The following FMN2 variants were observed in gnomAD, a reference collection of about 807,000 sequenced individuals.
FMN2 encodes the protein formin-2.
FMN2 carries 51 observed loss-of-function variants against 142.3 expected under a neutral mutation model. The ratio of observed to expected loss-of-function variants is 0.36; its 90% confidence interval spans 0.29 to 0.45. FMN2 has a LOEUF of 0.45. FMN2 is among the 20% of genes least tolerant of loss of function. The probability of loss-of-function intolerance (pLI) is 1.00; values close to 1 mark genes in which losing one functional copy is unlikely to be tolerated. For missense variants in FMN2, 1,936 were observed against 2,122.8 expected, an observed-to-expected ratio of 0.91 and a Z score of 1.73; for synonymous variants, 882 against 869.8, an observed-to-expected ratio of 1.01 and a Z score of -0.25.
chr1:240,412,936 C>T (rs980386954), intron 15 of FMN2, among the ~76,000 whole-genome samples: 7 of 151,560 alleles, frequency 4.6e-5, no homozygotes, highest in East Asian at 2.0e-4. Context: ...TCCTGGCTAA[C>T]ACGGTGAAAC....
At position 240,437,064 on chromosome 1, in the gene FMN2, CTT is replaced by C. The variant is rs759252590; in HGVS notation, c.4911-994_4911-993del. On this transcript the variant is annotated intron_variant, in intron 15 of 17. Transcript: ENST00000319653. The stretch of plus-strand genomic sequence containing the variant: ...GGGCATCACTCATGGGACTGGAAGA[CTT>C]TTGTGAAGTCAGAAACCTACCATTT... Among the ~76,000 whole-genome samples the C allele has an allele frequency of 8.5e-4, 130 of 152,288 alleles. 1 individual carries two copies. Among genetic ancestry groups the C allele is most frequent in the Non-Finnish European group, 4.6e-4 (31 of 68,040 alleles).
At chr1:240,364,616 T>C (rs1672600422) in intron 14 of FMN2, among the ~76,000 whole-genome samples, 1 of 152,144 alleles carries the variant, frequency 6.6e-6, no homozygotes, top group Non-Finnish European at 1.5e-5. Context: ...AATCATTCAT[T>C]CCACAACCGT....
At chr1:240,363,807 C>T (rs1672570911) in intron 14 of FMN2, among the ~76,000 whole-genome samples, 1 of 152,098 alleles carries the variant, frequency 6.6e-6, no homozygotes, top group African/African-American at 2.4e-5. Context: ...TGTCCCCAAC[C>T]CCTTTGTCCC....
At chr1:240,226,176 T>C (rs1005768203) in intron 6 of FMN2, among the ~76,000 whole-genome samples, 44 of 152,234 alleles carry the variant, frequency 2.9e-4, no homozygotes, top group African/African-American at 1.1e-3. Flanking sequence ...AAAACATTAA[T>C]ACACACATCC....
chr1:240,297,575 A>G (rs1670031672), intron 8 of FMN2, among the ~76,000 whole-genome samples: 1 of 141,338 alleles, frequency 7.1e-6, no homozygotes, highest in Admixed American at 7.3e-5. Context: ...CAGCCTGGTG[A>G]CAGAGTGAGA....
chr1:240,415,980 G>A (rs979939198), intron 15 of FMN2, among the ~76,000 whole-genome samples: 2 of 151,948 alleles, frequency 1.3e-5, no homozygotes, highest in African/African-American at 4.8e-5. Flanking sequence ...TTGCTTTTCT[G>A]TCTCAATTTT....
At position 240,113,510 on chromosome 1, in the gene FMN2, A is replaced by G. The variant is rs981200061; in HGVS notation, c.1616-9669A>G. On this transcript the variant is annotated intron_variant, in intron 1 of 17. Coordinates refer to ENST00000319653, the MANE Select transcript of FMN2 (RefSeq NM_020066.5). ...GAGGCAGAGGTCGCAGTGAGCCGAG[A>G]TCACGACACTGCACTCCAGCCTGGG... 4.2e-5 allele frequency among the ~76,000 whole-genome samples: 6 copies of G among 143,870 alleles called. No homozygotes were observed. In the Admixed American group the frequency reaches 4.5e-4, roughly 11 times the overall value. The allele number at this position is 143,870 out of a possible 152,430, so 94.4% of individuals were successfully genotyped here.
intron 15 of FMN2, among the ~76,000 whole-genome samples, chr1:240,406,580 CA>C (rs1674208748): frequency 6.6e-6 from 1 of 152,104 alleles, no homozygotes; most frequent in Non-Finnish European, 1.5e-5. Flanking sequence ...AAAATGAGGG[CA>C]ATGGAACGGT....
intron 7 of FMN2, among the ~76,000 whole-genome samples, chr1:240,284,217 G>A (rs1449458677): frequency 1.3e-5 from 2 of 152,096 alleles, no homozygotes; most frequent in Non-Finnish European, 2.9e-5. Flanking sequence ...AATGTATTTA[G>A]CACTTTGGCC....
rs76028863 is a variant in FMN2, at chr1:240,422,870, G to A, written c.4911-15191G>A. On this transcript the variant is annotated intron_variant, in intron 15 of 17. Coordinates refer to ENST00000319653, the MANE Select transcript of FMN2 (RefSeq NM_020066.5). ...GTCTCAGCTTACATTGTCCCTCAAGGCCAGTCAGTACCTGAAAATGTGTCA... is the reference window on the plus strand; with the variant it reads ...GTCTCAGCTTACATTGTCCCTCAAGACCAGTCAGTACCTGAAAATGTGTCA... Among the ~76,000 whole-genome samples the A allele has an allele frequency of 4.0e-3, 604 of 152,160 alleles. 2 individuals are homozygous for A. The highest frequency in any genetic ancestry group is 0.014 in the African/African-American group (580 of 41,524).
intron 15 of FMN2, among the ~76,000 whole-genome samples, chr1:240,407,712 A>G (rs1301686242): frequency 1.3e-5 from 2 of 152,034 alleles, no homozygotes; most frequent in African/African-American, 2.4e-5. Context: ...TCAAACAGCA[A>G]TTTATTTCAA....
intron 7 of FMN2, among the ~76,000 whole-genome samples, chr1:240,292,541 A>G (rs1669831630): frequency 6.6e-6 from 1 of 152,148 alleles, no homozygotes; most frequent in Admixed American, 6.5e-5. Flanking sequence ...TATAGGAAAC[A>G]CCTCACATTT....
intron 14 of FMN2, among the ~76,000 whole-genome samples, chr1:240,385,095 T>A (rs996512293): frequency 2.0e-5 from 3 of 152,208 alleles, no homozygotes; most frequent in African/African-American, 7.2e-5. Flanking sequence ...AGGATTGGAA[T>A]GACCTAGGCT....
At chr1:240,311,217 A>G (rs888200046) in intron 8 of FMN2, among the ~76,000 whole-genome samples, 2 of 152,186 alleles carry the variant, frequency 1.3e-5, no homozygotes, top group Non-Finnish European at 2.9e-5. Context: ...TTGACATACC[A>G]TAAACTTGAA....
rs71567282 is a variant in FMN2 at position 240,241,825 on chromosome 1, C to CTTTTTTT, written c.4066-16097_4066-16091dup. 1.1e-3 allele frequency among the ~76,000 whole-genome samples: 109 copies of CTTTTTTT among 96,212 alleles called. 10 individuals carry two copies. The highest frequency in any genetic ancestry group is 1.7e-3 in the African/African-American group (44 of 26,314). The allele number at this position is 96,212 out of a possible 152,430, so 63.1% of individuals were successfully genotyped here. A position where few individuals can be genotyped will look rare whatever the true frequency, so the allele number is the denominator to read the frequency against. ...ATTTTCTTTATTTTAGTGTGCCTTG[C>CTTTTTTT]TTTTTTTTTTTTTTTTTTTTTTTTT... On this transcript the variant is annotated intron_variant, in intron 6 of 17. Transcript: ENST00000319653.
intron 14 of FMN2, among the ~76,000 whole-genome samples, chr1:240,376,033 A>G (rs1318841393): frequency 2.0e-5 from 3 of 151,998 alleles, no homozygotes; most frequent in South Asian, 2.1e-4. Context: ...GAATTGTTAT[A>G]TCTTCTTTTT....
At chr1:240,274,075 G>T (rs190628282) in intron 7 of FMN2, among the ~76,000 whole-genome samples, 1 of 152,172 alleles carries the variant, frequency 6.6e-6, no homozygotes, top group Admixed American at 6.5e-5. Context: ...CAATGCTTCA[G>T]CATTCACTCA....
At chr1:240,125,834 G>A (rs1662474361) in intron 2 of FMN2, among the ~76,000 whole-genome samples, 2 of 152,070 alleles carry the variant, frequency 1.3e-5, no homozygotes, top group African/African-American at 4.8e-5. Flanking sequence ...AGGGCAGCTG[G>A]GTGTGGCATC....
At chr1:240,442,214 C>T (rs1035290091) in intron 16 of FMN2, among the ~76,000 whole-genome samples, 2 of 152,232 alleles carry the variant, frequency 1.3e-5, no homozygotes, top group Admixed American at 1.3e-4. Context: ...AACTTCCCAG[C>T]TAGGCTGTTT....
Sources: allele counts gnomAD v4.1 joint callset (sites outside exome capture counted in the v4.1 genomes callset), GRCh38; gene constraint gnomAD v4.1.1; transcripts MANE v1.5; gene names NCBI Gene and HGNC (gene_info 2026-07-23, HGNC 2026-07-21).